Variants in DNAJC6 observed in about 807,000 individuals in gnomAD.
DNAJC6 encodes the protein auxilin.
A neutral mutation model predicts 110.0 loss-of-function variants in DNAJC6; 34 were observed. The ratio of observed to expected loss-of-function variants is 0.31; its 90% CI spans 0.24 to 0.41. DNAJC6 has a LOEUF of 0.41. Among genes scored for constraint, DNAJC6 ranks in the 10% least tolerant of loss-of-function variants. The pLI is 1.00. For synonymous variants in DNAJC6, 406 were observed against 437.2 expected (o/e 0.93, Z 0.89); for missense variants, 1,031 against 1,207.8 (o/e 0.85, Z 2.17).
intron 5 of DNAJC6, among the ~76,000 whole-genome samples, chr1:65,380,680 A>T (rs1223803445): frequency 1.3e-5 from 2 of 152,122 alleles, no homozygotes; most frequent in African/African-American, 2.4e-5. Flanking sequence ...TGACAACTTG[A>T]TGGAGGAAAG....
intron 1 of DNAJC6, among the ~76,000 whole-genome samples, chr1:65,288,975 T>G (rs1570222867): frequency 6.6e-6 from 1 of 152,294 alleles, no homozygotes; most frequent in South Asian, 2.1e-4. Flanking sequence ...ATATGTGTCT[T>G]TTGGTGCCCA....
chr1:65,296,554 A>G (rs1009309195), intron 1 of DNAJC6, among the ~76,000 whole-genome samples: 5 of 150,254 alleles, frequency 3.3e-5, no homozygotes, highest in Non-Finnish European at 5.9e-5. Flanking sequence ...GACTCTGCCC[A>G]GTGGCAGTAG....
At chr1:65,398,977 C>T in intron 14 of DNAJC6, 96 bp downstream of exon 14, 1 of 1,273,040 alleles carries the variant, frequency 7.9e-7, no homozygotes, top group Non-Finnish European at 1.1e-6. Context: ...TTGTGGCCTA[C>T]CTGTGTAATT....
At chr1:65,320,518 A>C (rs1645188499) in intron 1 of DNAJC6, among the ~76,000 whole-genome samples, 4 of 152,212 alleles carry the variant, frequency 2.6e-5, no homozygotes, top group Admixed American at 2.6e-4. Flanking sequence ...GAGAAAAATC[A>C]TACTGACCCT....
At chr1:65,367,573 T>C (rs564070471) in intron 4 of DNAJC6, among the ~76,000 whole-genome samples, 5 of 152,324 alleles carry the variant, frequency 3.3e-5, no homozygotes, top group African/African-American at 9.6e-5. Context: ...TGGAACATCC[T>C]ACACAATATT....
At chr1:65,302,735 C>T (rs920248791) in intron 1 of DNAJC6, among the ~76,000 whole-genome samples, 1 of 150,946 alleles carries the variant, frequency 6.6e-6, no homozygotes, top group Non-Finnish European at 1.5e-5. Context: ...CGGGGTTTCA[C>T]CTTGTTAGCC....
At chr1:65,324,279 C>T (rs888390901) in intron 1 of DNAJC6, among the ~76,000 whole-genome samples, 1 of 151,896 alleles carries the variant, frequency 6.6e-6, no homozygotes, top group African/African-American at 2.4e-5. Context: ...CAAGCTCAAG[C>T]GATCCTCCTG....
intron 1 of DNAJC6, among the ~76,000 whole-genome samples, chr1:65,301,286 C>G (rs573573628): frequency 3.3e-5 from 5 of 152,210 alleles, no homozygotes; most frequent in African/African-American, 1.2e-4. Context: ...CAACAAAAAT[C>G]AACACAAATT....
At position 65,385,911 on chromosome 1, in the gene DNAJC6, GT is replaced by G. The variant is rs769297165; in HGVS notation, c.995+6del. 8.8e-6 allele frequency: 14 copies of G among 1,592,244 alleles called. No homozygotes were observed. The highest frequency in any genetic ancestry group is 1.2e-5 in the Non-Finnish European group (14 of 1,163,616). ...CACAGATTTTGAACGAATGAAGTAA[GT>G]CATGATACTTTACTTCTTCCTATGT... On this transcript the variant is annotated splice_donor_region_variant and intron_variant, in intron 7 of 18. Transcript: ENST00000371069.
At chr1:65,363,381 T>C (rs1366969495) in intron 1 of DNAJC6, among the ~76,000 whole-genome samples, 2 of 151,482 alleles carry the variant, frequency 1.3e-5, no homozygotes, top group African/African-American at 2.4e-5. Context: ...ACCTTGCTGA[T>C]TGCTATGGCA....
At chr1:65,411,727 G>T (rs200315141) in intron 18 of DNAJC6, among the ~76,000 whole-genome samples, 7 of 47,732 alleles carry the variant, frequency 1.5e-4, no homozygotes, top group Admixed American at 2.1e-4. Flanking sequence ...CCAGCACTTT[G>T]GGGGGGGCAG....
intron 1 of DNAJC6, among the ~76,000 whole-genome samples, chr1:65,293,048 C>T: frequency 6.6e-6 from 1 of 152,214 alleles, no homozygotes; most frequent in Non-Finnish European, 1.5e-5. Flanking sequence ...ATCCACAATG[C>T]TCTTGGGCCT....
intron 1 of DNAJC6, among the ~76,000 whole-genome samples, chr1:65,335,562 A>G (rs1645328487): frequency 6.6e-6 from 1 of 152,188 alleles, no homozygotes; most frequent in African/African-American, 2.4e-5. Flanking sequence ...AAAAAGAAAC[A>G]TTTAAGGAGA....
intron 7 of DNAJC6, among the ~76,000 whole-genome samples, chr1:65,386,572 G>A (rs949402637): frequency 2.0e-5 from 3 of 152,178 alleles, no homozygotes; most frequent in African/African-American, 7.2e-5. Flanking sequence ...AGCAGGCATG[G>A]GCAATTGCAG....
intron 4 of DNAJC6, among the ~76,000 whole-genome samples, chr1:65,370,049 T>C (rs1645690738): frequency 1.3e-5 from 2 of 152,184 alleles, no homozygotes; most frequent in African/African-American, 4.8e-5. Flanking sequence ...GTTTTTATTT[T>C]TTTTTAATGT....
intron 1 of DNAJC6, among the ~76,000 whole-genome samples, chr1:65,300,348 G>A (rs1032087862): frequency 4.6e-5 from 7 of 152,046 alleles, no homozygotes; most frequent in Non-Finnish European, 1.0e-4. Context: ...TAGAAGAAAG[G>A]GAGAAGGATT....
chr1:65,405,910 A>T lies in DNAJC6; in HGVS notation c.2268A>T (p.Gly756=). 6.2e-7 allele frequency: 1 copy of T among 1,613,416 alleles called. No homozygotes were observed. Among genetic ancestry groups the T allele is most frequent in the Non-Finnish European group, 8.5e-7 (1 of 1,179,562 alleles). ...CCAGCAAACCCACCACACCAACTGG[A>T]TTGGGTGGAGGATTCCCGCCTCTCA... ...SFASKPTTPT[G]LGGGFPPLSS... is the part of the protein sequence containing the mutation. Residue 756 remains glycine, a synonymous_variant, in exon 16 of 19, where the codon GGA becomes GGT. Coordinates refer to ENST00000371069, the MANE Select transcript of DNAJC6 (RefSeq NM_001256864.2).
intron 1 of DNAJC6, among the ~76,000 whole-genome samples, chr1:65,291,709 C>T (rs1229160053): frequency 6.6e-6 from 1 of 152,144 alleles, no homozygotes; most frequent in Non-Finnish European, 1.5e-5. Flanking sequence ...GTCAGATACT[C>T]TGCTGGGTGC....
At chr1:65,358,454 G>A (rs1230453249) in intron 1 of DNAJC6, among the ~76,000 whole-genome samples, 1 of 152,074 alleles carries the variant, frequency 6.6e-6, no homozygotes, top group African/African-American at 2.4e-5. Flanking sequence ...AGATAGCAAT[G>A]GTATTGCCTT....
Sources: allele counts gnomAD v4.1 joint callset (sites outside exome capture counted in the v4.1 genomes callset), GRCh38; gene constraint gnomAD v4.1.1; transcripts MANE v1.5; gene names NCBI Gene and HGNC (gene_info 2026-07-23, HGNC 2026-07-21).